Variants in CCDC40 observed in about 807,000 individuals in gnomAD.
CCDC40 encodes coiled-coil domain 40 molecular ruler complex subunit.
Under a neutral mutation model 124.5 loss-of-function variants are expected in CCDC40, and 104 were observed. That is an observed-to-expected ratio of 0.84 (90% CI 0.71 to 0.98). The LOEUF is 0.98. CCDC40 is among the 50% of genes least tolerant of loss of function. The pLI is 0.00. For missense variants in CCDC40, 1,463 were observed against 1,503.9 expected (o/e 0.97, Z 0.45); for synonymous variants, 580 against 602.9 (o/e 0.96, Z 0.56).
intron 12 of CCDC40, among the ~76,000 whole-genome samples, chr17:80,082,798 A>G (rs1437644032): frequency 2.0e-5 from 3 of 152,264 alleles, no homozygotes; most frequent in African/African-American, 4.8e-5. Flanking sequence ...CTGTCTGGGC[A>G]GCCCGATAGG....
Position 80,058,478 on chromosome 17 carries a change from C to G in CCDC40, c.1160-16C>G. ...CACTCACTCTCTCTCTCTTTCTCCC[C>G]CGCCGCGCCCCGCAGTGGCGGCTCT... On this transcript the variant is annotated splice_polypyrimidine_tract_variant and intron_variant, in intron 7 of 19. Transcript: ENST00000397545. This position sits in a 1 kb window ranked among gnomAD's most constrained non-coding sequence, Gnocchi z 4.2. 1 of 1,612,772 alleles carries G rather than the reference C, an allele frequency of 6.2e-7. No individual in the cohort carries two copies. The highest frequency in any genetic ancestry group is 8.5e-7 in the Non-Finnish European group (1 of 1,179,704).
At chr17:80,070,716 G>A (rs8075096) in intron 10 of CCDC40, among the ~76,000 whole-genome samples, 2,248 of 152,268 alleles carry the variant, frequency 0.015, 56 homozygotes, top group African/African-American at 0.052. Context: ...AGGCTGCAGT[G>A]AGCCGAGATG....
intron 9 of CCDC40, among the ~76,000 whole-genome samples, chr17:80,061,376 G>T (rs2037890781): frequency 6.6e-6 from 1 of 152,096 alleles, no homozygotes; most frequent in Admixed American, 6.6e-5. Context: ...AGACTAGGAG[G>T]ACAATCACAC....
chr17:80,065,584 A>AGGGCGGTGCTGG lies in CCDC40; in HGVS notation c.1541_1552dup (p.Leu517_Glu518insGlyAlaValLeu). The AGGGCGGTGCTGG allele has an allele frequency of 6.2e-7, 1 of 1,612,758 alleles. No individual in the cohort carries two copies. ...CATGAAGCACCGCGACGAGGCGCAC[A>AGGGCGGTGCTGG]GGGCGGTGCTGGAGGCGCTCAGGTA... On this transcript the variant is annotated inframe_insertion, in exon 10 of 20. Coordinates refer to ENST00000397545, the MANE Select transcript of CCDC40 (RefSeq NM_017950.4).
At chr17:80,091,028 C>T (rs2038712797) in intron 17 of CCDC40, among the ~76,000 whole-genome samples, 1 of 152,212 alleles carries the variant, frequency 6.6e-6, no homozygotes, top group South Asian at 2.1e-4. Flanking sequence ...GGCTCCCCCT[C>T]CTCAGCCAGG....
chr17:80,064,954 G>T (rs567524523), intron 9 of CCDC40, among the ~76,000 whole-genome samples: 1 of 152,068 alleles, frequency 6.6e-6, no homozygotes, highest in Non-Finnish European at 1.5e-5. Context: ...CCGAATCAAT[G>T]ACACCACCAA....
At chr17:80,048,362 A>T in intron 4 of CCDC40, 1 of 598,180 alleles carries the variant, frequency 1.7e-6, no homozygotes, top group Non-Finnish European at 3.0e-6. Flanking sequence ...CTTCCTGCCT[A>T]CCTTTAAAAC....
intron 5 of CCDC40, among the ~76,000 whole-genome samples, chr17:80,049,296 T>C (rs1368390680): frequency 6.7e-6 from 1 of 150,202 alleles, no homozygotes; most frequent in Non-Finnish European, 1.5e-5. Context: ...TCCCTGTTAC[T>C]CAGGAGGCTG....
rs1422884069 is a variant in CCDC40 at position 80,066,348 on chromosome 17, CA to C, written c.1562+744del. 41 of 582,498 alleles carry C rather than the reference CA, an allele frequency of 7.0e-5. No homozygotes were observed. The highest frequency in any genetic ancestry group is 1.0e-4 in the Non-Finnish European group (34 of 325,372). The allele number at this position is 582,498 out of a possible 1,614,324, so 36.1% of individuals were successfully genotyped here. ...AGCCAGGCAGCCAGCAGCAGTCACA[CA>C]ACCAGGAGATGCTTTTCCTTTTGGG... is the stretch of plus-strand genomic sequence containing the variant. On this transcript the variant is annotated intron_variant, in intron 10 of 19. Transcript: ENST00000397545. The surrounding 1 kb of genome is among the most constrained non-coding windows in gnomAD (Gnocchi z 4.4).
At chr17:80,050,525 C>G (rs925591176) in intron 7 of CCDC40, among the ~76,000 whole-genome samples, 3 of 152,204 alleles carry the variant, frequency 2.0e-5, no homozygotes, top group African/African-American at 7.2e-5. Flanking sequence ...CTCACTGCAA[C>G]CTCCCCCTTC....
At position 80,095,447 on chromosome 17, in the gene CCDC40, G is replaced by T. The variant is rs761029623; in HGVS notation, c.3017G>T (p.Arg1006Leu). 1.2e-5 allele frequency: 19 copies of T among 1,613,976 alleles called. No homozygotes were observed. The highest frequency in any genetic ancestry group is 1.6e-4 in the Middle Eastern group (1 of 6,084). Reference protein sequence around the residue: ...LELRRKIRDVRKATDECTKTV... With the variant: ...LELRRKIRDVLKATDECTKTV... ...CTGCGCCGGAAAATCAGGGACGTTC[G>T]CAAGGTAGGGAGCAGCGGAAAGGAA... is the stretch of plus-strand genomic sequence containing the variant. Residue 1006 changes from arginine to leucine, a missense_variant, in exon 18 of 20, where the codon CGC becomes CTC. Coordinates refer to ENST00000397545, the MANE Select transcript of CCDC40 (RefSeq NM_017950.4).
At chr17:80,056,007 TATATATATA>T (rs1478657427) in intron 7 of CCDC40, among the ~76,000 whole-genome samples, 2 of 41,766 alleles carry the variant, frequency 4.8e-5, no homozygotes, top group South Asian at 9.1e-4. Flanking sequence ...TATATATATA[TATATATATA>T]TTTTTTTTTT....
In CCDC40 at chr17:80,097,253, T is replaced by C. The variant is rs12952612; in HGVS notation, c.3030T>C (p.Asp1010=). The change falls in exon 19 of 20, where the codon GAT becomes GAC. Residue 1010 remains aspartate (D), a synonymous_variant. Transcript: ENST00000397545. ...RKIRDVRKAT[D]ECTKTVLELE... ...TCCTGTGATTCTCCTAGGCCACCGA[T>C]GAGTGCACCAAAACCGTCCTGGAAC... 0.74 allele frequency: 1,194,378 copies of C among 1,613,562 alleles called. 444,182 individuals are homozygous for C. Among genetic ancestry groups the C allele is most frequent in the Middle Eastern group, 0.82 (4,974 of 6,062 alleles).
intron 7 of CCDC40, among the ~76,000 whole-genome samples, chr17:80,053,781 C>T (rs1186605771): frequency 6.6e-6 from 1 of 152,120 alleles, no homozygotes; most frequent in Non-Finnish European, 1.5e-5. Flanking sequence ...TTGTAGATAA[C>T]GGGGTTTCAC....
chr17:80,067,576 C>G (rs1568693367), intron 10 of CCDC40: 1 of 1,535,964 alleles, frequency 6.5e-7, no homozygotes, highest in East Asian at 2.4e-5. Context: ...ACATGGCATT[C>G]CGCTGGGATA....
rs535047068 is a variant in CCDC40, at chr17:80,044,977, A to G, written c.553-2302A>G. Among the ~76,000 whole-genome samples, 45 of 152,238 alleles carry G rather than the reference A, an allele frequency of 3.0e-4. No homozygotes were observed. In the South Asian group the frequency reaches 8.5e-3, roughly 29 times the overall value. The stretch of plus-strand genomic sequence containing the variant: ...GTGGAGCTTGTGTCCAGTTGTGCAC[A>G]CGGACACCCGGAAACCTCTCATTAG... On this transcript the variant is annotated intron_variant, in intron 3 of 19. Transcript: ENST00000397545.
chr17:80,037,615 ACTGT>A (rs1445402477), intron 1 of CCDC40, among the ~76,000 whole-genome samples: 1 of 148,844 alleles, frequency 6.7e-6, no homozygotes. Flanking sequence ...GGGAACTGTC[ACTGT>A]CTGTCTCTTT....
At chr17:80,079,391 C>T (rs2038393382) in intron 10 of CCDC40, among the ~76,000 whole-genome samples, 1 of 152,106 alleles carries the variant, frequency 6.6e-6, no homozygotes, top group Non-Finnish European at 1.5e-5. Context: ...TCACCCGCGG[C>T]CGCTTAGTGT....
At chr17:80,062,317 ATTATAC>A (rs1679943011) in intron 9 of CCDC40, among the ~76,000 whole-genome samples, 1 of 152,052 alleles carries the variant, frequency 6.6e-6, no homozygotes, top group Non-Finnish European at 1.5e-5. Flanking sequence ...TTTTTTTTAA[ATTATAC>A]TTTAAGTTTT....
Sources: gnomAD v4.1 joint callset for allele counts (sites outside exome capture counted in the v4.1 genomes callset) on GRCh38, gnomAD v4.1.1 for gene constraint, Gnocchi (gnomAD v3.1) non-coding constraint, MANE v1.5 for transcripts, NCBI Gene and HGNC (gene_info 2026-07-23, HGNC 2026-07-21) for gene names.